SNX29: variants seen among roughly 807,000 people sequenced by gnomAD.
SNX29 encodes the protein sorting nexin 29, also known as sorting nexin-29.
Under a neutral mutation model 102.1 loss-of-function variants are expected in SNX29, and 78 were observed. That is an observed-to-expected ratio of 0.76 (90% CI 0.64 to 0.92). SNX29 has a LOEUF of 0.92. SNX29 is among the 40% of genes least tolerant of loss of function. The pLI is 0.00. For missense variants in SNX29, 1,280 were observed against 1,061.7 expected, an observed-to-expected ratio of 1.21 and a Z score of -2.86; for synonymous variants, 580 against 414.5, an observed-to-expected ratio of 1.40 and a Z score of -4.85.
intron 1 of SNX29, among the ~76,000 whole-genome samples, chr16:11,998,686 A>T (rs895487235): frequency 6.6e-6 from 1 of 152,214 alleles, no homozygotes; most frequent in Admixed American, 6.5e-5. Context: ...TCTTTCTATC[A>T]GAAATGAATG....
intron 20 of SNX29, among the ~76,000 whole-genome samples, chr16:12,559,927 C>T (rs922892464): frequency 2.6e-5 from 4 of 152,032 alleles, no homozygotes; most frequent in South Asian, 2.1e-4. Context: ...TGCAGTGAGT[C>T]GAGATTACAT....
intron 13 of SNX29, among the ~76,000 whole-genome samples, chr16:12,175,405 G>A (rs2076237892): frequency 6.6e-6 from 1 of 152,126 alleles, no homozygotes; most frequent in African/African-American, 2.4e-5. Flanking sequence ...ATGGCAGGTG[G>A]ATCACTTGAG....
chr16:12,510,318 C>T (rs1031376583), intron 19 of SNX29, among the ~76,000 whole-genome samples: 2 of 152,090 alleles, frequency 1.3e-5, no homozygotes, highest in Admixed American at 6.6e-5. Flanking sequence ...TGAGGTGGAC[C>T]GTGGAGGCCC....
At chr16:12,378,644 C>G (rs1028078826) in intron 16 of SNX29, among the ~76,000 whole-genome samples, 1 of 152,212 alleles carries the variant, frequency 6.6e-6, no homozygotes, top group Non-Finnish European at 1.5e-5. Context: ...TGTGGCCCCA[C>G]TTCCAACATT....
At chr16:12,320,590 T>C (rs2080899760) in intron 15 of SNX29, among the ~76,000 whole-genome samples, 1 of 152,138 alleles carries the variant, frequency 6.6e-6, no homozygotes, top group Non-Finnish European at 1.5e-5. Flanking sequence ...TGGATGTGAG[T>C]GATCCCTCAC....
At position 12,247,409 on chromosome 16, in the gene SNX29, C is replaced by G. The variant is rs866848713; in HGVS notation, c.1679-30524C>G. Among the ~76,000 whole-genome samples the G allele has an allele frequency of 2.0e-5, 3 of 152,306 alleles. No homozygotes were observed. In the South Asian group the frequency reaches 6.2e-4, roughly 32 times the overall value. Reference sequence around the variant, plus strand: ...TTTTCTTATGGCCCGCACAGTCTATCTCCTCCTGTTTTTCCCTCAAAATCA... The same window carrying G: ...TTTTCTTATGGCCCGCACAGTCTATGTCCTCCTGTTTTTCCCTCAAAATCA... On this transcript the variant is annotated intron_variant, in intron 14 of 20. Transcript: ENST00000566228.
chr16:12,465,630 G>A (rs2087015734), intron 18 of SNX29, among the ~76,000 whole-genome samples: 1 of 152,008 alleles, frequency 6.6e-6, no homozygotes, highest in South Asian at 2.1e-4. Flanking sequence ...TTTGAAATCA[G>A]GGACTGTGAT....
At chr16:12,362,187 C>A (rs1424593825) in intron 16 of SNX29, among the ~76,000 whole-genome samples, 4 of 152,194 alleles carry the variant, frequency 2.6e-5, no homozygotes, top group Non-Finnish European at 4.4e-5. Context: ...TCCCCAGGTC[C>A]CTGTTGGATG....
At chr16:12,332,785 C>T (rs1397815595) in intron 15 of SNX29, among the ~76,000 whole-genome samples, 1 of 152,154 alleles carries the variant, frequency 6.6e-6, no homozygotes, top group Non-Finnish European at 1.5e-5. Flanking sequence ...CCTCTGGTCT[C>T]CTCGTCAGTC....
intron 7 of SNX29, among the ~76,000 whole-genome samples, chr16:12,051,011 G>A (rs1476270928): frequency 6.6e-6 from 1 of 151,794 alleles, no homozygotes; most frequent in East Asian, 2.0e-4. Context: ...GTGAGCCACC[G>A]CGCCCGGCCC....
At chr16:12,432,508 G>A (rs540893196) in intron 18 of SNX29, among the ~76,000 whole-genome samples, 7 of 152,188 alleles carry the variant, frequency 4.6e-5, no homozygotes, top group Non-Finnish European at 4.4e-5. Context: ...GTGGCAGGAG[G>A]ATCAGGCAGA....
intron 15 of SNX29, among the ~76,000 whole-genome samples, chr16:12,291,344 G>A (rs966121802): frequency 6.6e-6 from 1 of 152,226 alleles, no homozygotes; most frequent in African/African-American, 2.4e-5. Context: ...CAAAGAGAAA[G>A]AGCTTGTGCA....
At chr16:12,333,149 A>G (rs942274730) in intron 15 of SNX29, among the ~76,000 whole-genome samples, 1 of 133,066 alleles carries the variant, frequency 7.5e-6, no homozygotes, top group Admixed American at 8.8e-5. Flanking sequence ...TCTGTTGTCC[A>G]GGCTGGAGTG....
intron 18 of SNX29, among the ~76,000 whole-genome samples, chr16:12,431,556 T>A (rs1477295077): frequency 6.6e-6 from 1 of 151,646 alleles, no homozygotes; most frequent in Admixed American, 6.6e-5. Context: ...ATAGAACACA[T>A]CAAAAAGTGA....
At chr16:12,541,791 G>C (rs376808526) in intron 20 of SNX29, among the ~76,000 whole-genome samples, 11 of 152,264 alleles carry the variant, frequency 7.2e-5, no homozygotes, top group East Asian at 1.9e-4. Context: ...CCCTGGAATG[G>C]AAAGGTTCAG....
intron 18 of SNX29, among the ~76,000 whole-genome samples, chr16:12,428,835 A>C (rs548405025): frequency 6.6e-6 from 1 of 152,244 alleles, no homozygotes; most frequent in Non-Finnish European, 1.5e-5. Flanking sequence ...AACACATAAT[A>C]TATGAGTGCA....
At chr16:12,294,418 G>A (rs1043089208) in intron 15 of SNX29, among the ~76,000 whole-genome samples, 4 of 152,066 alleles carry the variant, frequency 2.6e-5, no homozygotes, top group African/African-American at 7.2e-5. Context: ...TCCTCCCTCC[G>A]ATGGGCTGAG....
intron 15 of SNX29, among the ~76,000 whole-genome samples, chr16:12,300,027 C>T (rs1425680184): frequency 2.6e-5 from 4 of 152,086 alleles, no homozygotes; most frequent in East Asian, 1.9e-4. Context: ...CCTGCCACCA[C>T]GCCTGGCTAA....
intron 14 of SNX29, among the ~76,000 whole-genome samples, chr16:12,219,942 G>T (rs991907229): frequency 6.6e-6 from 1 of 151,674 alleles, no homozygotes; most frequent in Non-Finnish European, 1.5e-5. Context: ...ACACACACGT[G>T]CACGTGCACG....
Sources: gnomAD v4.1 joint callset for allele counts (sites outside exome capture counted in the v4.1 genomes callset) on GRCh38, gnomAD v4.1.1 for gene constraint, MANE v1.5 for transcripts, NCBI Gene and HGNC (gene_info 2026-07-23, HGNC 2026-07-21) for gene names.